SAMMSON: variants seen among roughly 807,000 people sequenced by gnomAD.
SAMMSON encodes long intergenic non-protein coding RNA 1212.
At chr3:70,393,264 A>G (rs1201154238), downstream of SAMMSON, among the ~76,000 whole-genome samples, 1 of 152,172 alleles carries the variant, frequency 6.6e-6, no homozygotes, top group Non-Finnish European at 1.5e-5. Flanking sequence ...TCAACTTGCA[A>G]TGTTTTTGCC....
chr3:70,234,229 G>A (rs1373516598), intron 4 of SAMMSON, among the ~76,000 whole-genome samples: 1 of 152,154 alleles, frequency 6.6e-6, no homozygotes, highest in Admixed American at 6.5e-5. Context: ...AGAGGGCTGG[G>A]TTGACACCTA....
downstream of SAMMSON, among the ~76,000 whole-genome samples, chr3:70,391,535 A>C (rs1575639770): frequency 6.6e-6 from 1 of 152,114 alleles, no homozygotes; most frequent in East Asian, 1.9e-4. Context: ...TGGAAGGCAG[A>C]AATAGTCTGT....
At chr3:70,224,381 T>C (rs1701485282) in intron 4 of SAMMSON, among the ~76,000 whole-genome samples, 1 of 152,184 alleles carries the variant, frequency 6.6e-6, no homozygotes, top group African/African-American at 2.4e-5. Context: ...GCTGCTTTAT[T>C]TCATTATGTT....
intron 4 of SAMMSON, among the ~76,000 whole-genome samples, chr3:70,198,599 A>T (rs1701204741): frequency 6.6e-6 from 1 of 152,110 alleles, no homozygotes; most frequent in Admixed American, 6.6e-5. Context: ...TTTTCTCTCC[A>T]TCCTCTTTCT....
intron 4 of SAMMSON, among the ~76,000 whole-genome samples, chr3:70,158,375 G>A (rs931156213): frequency 2.0e-5 from 3 of 152,040 alleles, no homozygotes; most frequent in Non-Finnish European, 2.9e-5. Flanking sequence ...GCTCTAACAT[G>A]TGTCTATAGT....
intron 4 of SAMMSON, among the ~76,000 whole-genome samples, chr3:70,155,967 C>G (rs774275314): frequency 6.6e-6 from 1 of 152,018 alleles, no homozygotes; most frequent in African/African-American, 2.4e-5. Flanking sequence ...GGTTTCATAA[C>G]CTTTGATCCT....
At chr3:70,389,986 C>T (rs964607219), downstream of SAMMSON, 1 of 152,008 alleles carries the variant, frequency 6.6e-6, no homozygotes, top group Non-Finnish European at 1.5e-5. Flanking sequence ...AAGGAAGGTG[C>T]TGATAAATCA....
intron 7 of SAMMSON, among the ~76,000 whole-genome samples, chr3:70,343,621 C>T (rs771647317): frequency 2.4e-4 from 36 of 152,044 alleles, no homozygotes; most frequent in Non-Finnish European, 4.4e-4. Flanking sequence ...TGACATTAGC[C>T]TTGATCACCT....
At chr3:70,302,144 T>C (rs1165371390) in intron 7 of SAMMSON, among the ~76,000 whole-genome samples, 1 of 152,192 alleles carries the variant, frequency 6.6e-6, no homozygotes, top group Non-Finnish European at 1.5e-5. Context: ...TTGCTTTTCA[T>C]CTTTGCTGCA....
chr3:70,207,376 T>C (rs1018499422), intron 4 of SAMMSON, among the ~76,000 whole-genome samples: 2 of 152,114 alleles, frequency 1.3e-5, no homozygotes, highest in African/African-American at 4.8e-5. Context: ...ATAGCCTGTA[T>C]GGCTTTGGGG....
intron 9 of SAMMSON, among the ~76,000 whole-genome samples, chr3:70,372,757 C>T (rs1247171553): frequency 6.6e-6 from 1 of 152,106 alleles, no homozygotes. Flanking sequence ...TTTTCATGAA[C>T]TTAAATTTAT....
intron 2 of SAMMSON, among the ~76,000 whole-genome samples, chr3:70,428,736 A>G (rs1701391105): frequency 6.6e-6 from 1 of 152,132 alleles, no homozygotes. Flanking sequence ...CTAAACAGTG[A>G]TCTATCTAAA....
At chr3:70,351,399 A>G (rs1702794516) in intron 7 of SAMMSON, among the ~76,000 whole-genome samples, 1 of 152,122 alleles carries the variant, frequency 6.6e-6, no homozygotes. Context: ...TATTTGGGGC[A>G]GAGAAGAAAA....
chr3:70,221,953 T>C (rs1490905190), intron 4 of SAMMSON, among the ~76,000 whole-genome samples: 2 of 152,194 alleles, frequency 1.3e-5, no homozygotes, highest in Non-Finnish European at 2.9e-5. Context: ...ATTAGTCACC[T>C]CATTCCCTTT....
At chr3:70,365,727 C>T (rs894151088) in intron 9 of SAMMSON, among the ~76,000 whole-genome samples, 1 of 151,834 alleles carries the variant, frequency 6.6e-6, no homozygotes, top group Non-Finnish European at 1.5e-5. Flanking sequence ...TAAAGTTACT[C>T]TGAGCAGTAT....
intron 4 of SAMMSON, among the ~76,000 whole-genome samples, chr3:70,211,664 T>A (rs1365888216): frequency 9.1e-6 from 1 of 109,724 alleles, no homozygotes; most frequent in Non-Finnish European, 2.0e-5. Flanking sequence ...TTCCCTTCCC[T>A]TTCCCTTCCC....
chr3:70,385,882 A>AAGTGTC (rs1009639866), intron 9 of SAMMSON, among the ~76,000 whole-genome samples: 3 of 152,100 alleles, frequency 2.0e-5, no homozygotes, highest in Non-Finnish European at 4.4e-5. Context: ...AAAGATTAAC[A>AAGTGTC]AGTGTCAGAT....
chr3:70,285,082 G>C (rs1553652103), intron 6 of SAMMSON, among the ~76,000 whole-genome samples: 1 of 145,136 alleles, frequency 6.9e-6, no homozygotes, highest in African/African-American at 2.6e-5. Flanking sequence ...TATACTTTAA[G>C]TTTTAGGGTA....
chr3:70,344,502 C>G (rs1182384855), intron 7 of SAMMSON, among the ~76,000 whole-genome samples: 1 of 152,196 alleles, frequency 6.6e-6, no homozygotes, highest in Non-Finnish European at 1.5e-5. Context: ...TCCTTCAAGT[C>G]TGCATGCAAC....
Sources: gnomAD v4.1 joint callset for allele counts (sites outside exome capture counted in the v4.1 genomes callset) on GRCh38, gnomAD v4.1.1 for gene constraint, MANE v1.5 for transcripts, NCBI Gene and HGNC (gene_info 2026-07-23, HGNC 2026-07-21) for gene names.